The following TRAPPC9 variants were observed in gnomAD, a reference collection of about 807,000 sequenced individuals.
The protein encoded by TRAPPC9 is IKK2 binding protein.
Under a neutral mutation model 124.0 loss-of-function variants are expected in TRAPPC9, and 83 were observed. That is an observed-to-expected ratio of 0.67 (90% confidence interval 0.56 to 0.80). The LOEUF is 0.80. Ranked by LOEUF, TRAPPC9 falls within the 30% of genes least tolerant of loss-of-function variation. The probability of loss-of-function intolerance (pLI) is 0.00; values close to 1 mark genes in which losing one functional copy is unlikely to be tolerated. For missense variants in TRAPPC9, 1,302 were observed against 1,508.3 expected (o/e 0.86, Z 2.27); for synonymous variants, 638 against 617.5 (o/e 1.03, Z -0.49).
At position 140,437,480 on chromosome 8, in the gene TRAPPC9, G is replaced by A. The variant is rs76026191; in HGVS notation, c.730+1572C>T. On this transcript the variant is annotated intron_variant, in intron 3 of 22. Coordinates refer to ENST00000438773, the MANE Select transcript of TRAPPC9 (RefSeq NM_001160372.4). The stretch of plus-strand genomic sequence containing the variant: ...TCTACTAAAAATAGAAAATTTAGCC[G>A]GGTGTGGTAGTGCATGCCTGTAAGT... Among the ~76,000 whole-genome samples, 478 of 152,188 alleles carry A rather than the reference G, an allele frequency of 3.1e-3. 2 individuals are homozygous for A. Among genetic ancestry groups the A allele is most frequent in the African/African-American group, 0.011 (447 of 41,534 alleles).
At chr8:140,449,504 C>G (rs1018265920) in intron 2 of TRAPPC9, among the ~76,000 whole-genome samples, 1 of 152,236 alleles carries the variant, frequency 6.6e-6, no homozygotes, top group Non-Finnish European at 1.5e-5. Context: ...AAGAGCTCAT[C>G]TGCAATTTTG....
At chr8:139,782,069 T>C (rs1362897280) in intron 21 of TRAPPC9, among the ~76,000 whole-genome samples, 1 of 151,900 alleles carries the variant, frequency 6.6e-6, no homozygotes, top group African/African-American at 2.4e-5. Flanking sequence ...AAAAAATAAA[T>C]AGGTTAAAAT....
chr8:139,769,203 C>T (rs1436807267), intron 21 of TRAPPC9, among the ~76,000 whole-genome samples: 1 of 152,138 alleles, frequency 6.6e-6, no homozygotes, highest in East Asian at 1.9e-4. Context: ...AGTACTGAAC[C>T]CTATATACAC....
intron 17 of TRAPPC9, among the ~76,000 whole-genome samples, chr8:140,031,784 G>A (rs559430871): frequency 6.6e-6 from 1 of 152,330 alleles, no homozygotes; most frequent in East Asian, 1.9e-4. Flanking sequence ...GCAGTGCAGG[G>A]ATGGGTTTGA....
intron 7 of TRAPPC9, among the ~76,000 whole-genome samples, chr8:140,393,958 C>G (rs1270715780): frequency 6.6e-6 from 1 of 152,166 alleles, no homozygotes; most frequent in Non-Finnish European, 1.5e-5. Flanking sequence ...TGCACTGTCC[C>G]CGCCCGCCCA....
rs112161668 is a variant in TRAPPC9 at position 139,880,498 on chromosome 8, T to C, written c.3055+5381A>G. On this transcript the variant is annotated intron_variant, in intron 21 of 22. Transcript: ENST00000438773. ...GGGTCCCGTTTAAGGTTTAAGGACT[T>C]GACCCAACCCAGACCCTCCCTGCAC... Among the ~76,000 whole-genome samples, 339 of 152,260 alleles carry C rather than the reference T, an allele frequency of 2.2e-3. 1 individual carries two copies. The highest frequency in any genetic ancestry group is 2.7e-3 in the Non-Finnish European group (181 of 68,008).
chr8:139,778,150 G>C (rs1821526129), intron 21 of TRAPPC9, among the ~76,000 whole-genome samples: 1 of 152,116 alleles, frequency 6.6e-6, no homozygotes, highest in African/African-American at 2.4e-5. Flanking sequence ...AATAGTGCCT[G>C]TTCCCATCAG....
intron 19 of TRAPPC9, among the ~76,000 whole-genome samples, chr8:139,955,998 C>T (rs1038577095): frequency 3.9e-5 from 6 of 152,170 alleles, no homozygotes; most frequent in Admixed American, 1.3e-4. Flanking sequence ...TTTCTCCCGC[C>T]GTGTGGCTGG....
At chr8:140,186,537 C>G (rs2062358771) in intron 17 of TRAPPC9, among the ~76,000 whole-genome samples, 1 of 151,618 alleles carries the variant, frequency 6.6e-6, no homozygotes, top group South Asian at 2.1e-4. Flanking sequence ...CACTGCACTC[C>G]AGCCTAGGCG....
At chr8:140,153,588 A>G (rs946786929) in intron 17 of TRAPPC9, among the ~76,000 whole-genome samples, 4 of 151,982 alleles carry the variant, frequency 2.6e-5, no homozygotes, top group Admixed American at 2.6e-4. Context: ...TGCCTTATTG[A>G]CCTTTGTTTC....
rs770896681 is a variant in TRAPPC9, at chr8:140,450,867, G to A, written c.507C>T (p.Asp169=). Reference sequence around the variant, plus strand: ...GAAGGGGGATCTTATCCCCAGACTTGTCTGTGGCTCTGTCCAGACGCTTGG... The same window carrying A: ...GAAGGGGGATCTTATCCCCAGACTTATCTGTGGCTCTGTCCAGACGCTTGG... ...LESKRLDRAT[D]KSGDKIPLLC... Residue 169 remains aspartate (D), a synonymous_variant, in exon 2 of 23, where the codon GAC becomes GAT. Transcript: ENST00000438773. 6.2e-7 allele frequency: 1 copy of A among 1,613,994 alleles called. No homozygotes were observed. Among genetic ancestry groups the A allele is most frequent in the Non-Finnish European group, 8.5e-7 (1 of 1,179,990 alleles).
At chr8:140,338,310 T>C (rs2067098072) in intron 9 of TRAPPC9, among the ~76,000 whole-genome samples, 1 of 152,212 alleles carries the variant, frequency 6.6e-6, no homozygotes, top group East Asian at 1.9e-4. Context: ...CAGCTGACAT[T>C]TCATATGTGT....
chr8:140,304,296 T>TGTTGGCCAG (rs928446253), intron 10 of TRAPPC9, among the ~76,000 whole-genome samples: 1 of 152,146 alleles, frequency 6.6e-6, no homozygotes, highest in African/African-American at 2.4e-5. Context: ...AGTTTCGCCA[T>TGTTGGCCAG]GTTGGCCAGG....
chr8:139,750,473 A>C lies in TRAPPC9; in HGVS notation c.3056-18271T>G, dbSNP rs1461557620. ...ATTGCTGGGTCTCCTCAGTGTGCAG[A>C]GGAGCACCTTAGGGCCAGGCAGCAC... On this transcript the variant is annotated intron_variant, in intron 21 of 22. Coordinates refer to ENST00000438773, the MANE Select transcript of TRAPPC9 (RefSeq NM_001160372.4). 2.0e-5 allele frequency among the ~76,000 whole-genome samples: 3 copies of C among 152,136 alleles called. No homozygotes were observed. In the East Asian group the frequency reaches 5.8e-4, roughly 29 times the overall value.
chr8:140,278,572 G>A (rs1011549553), intron 14 of TRAPPC9, among the ~76,000 whole-genome samples: 2 of 152,266 alleles, frequency 1.3e-5, no homozygotes, highest in African/African-American at 4.8e-5. Context: ...GCCTGGGACA[G>A]AGTGGCCTGC....
At chr8:140,289,838 C>T (rs2065596779) in intron 12 of TRAPPC9, among the ~76,000 whole-genome samples, 2 of 152,242 alleles carry the variant, frequency 1.3e-5, no homozygotes, top group South Asian at 2.1e-4. Context: ...CCTCGCCCAA[C>T]AGGAGGAGAG....
intron 5 of TRAPPC9, among the ~76,000 whole-genome samples, chr8:140,410,099 C>T (rs1394105783): frequency 1.4e-5 from 2 of 144,184 alleles, no homozygotes; most frequent in Non-Finnish European, 3.0e-5. Context: ...TGTGATCATG[C>T]CACTGCACTC....
chr8:140,411,705 CA>C (rs968249132), intron 5 of TRAPPC9, among the ~76,000 whole-genome samples: 2 of 152,076 alleles, frequency 1.3e-5, no homozygotes, highest in African/African-American at 2.4e-5. Flanking sequence ...AGGAACATGT[CA>C]AAAGGTTTTA....
chr8:139,802,283 C>T (rs1384146628), intron 21 of TRAPPC9, among the ~76,000 whole-genome samples: 1 of 152,172 alleles, frequency 6.6e-6, no homozygotes, highest in Non-Finnish European at 1.5e-5. Flanking sequence ...GCCATGGGTT[C>T]CTGCTCTCAC....
Sources: allele counts gnomAD v4.1 joint callset (sites outside exome capture counted in the v4.1 genomes callset), GRCh38; gene constraint gnomAD v4.1.1; transcripts MANE v1.5; gene names NCBI Gene and HGNC (gene_info 2026-07-23, HGNC 2026-07-21).